Variants in SMS observed in about 807,000 individuals in gnomAD.
SMS encodes spermine synthase.
SMS carries 3 observed loss-of-function variants against 33.0 expected under a neutral mutation model. The observed-to-expected ratio is 0.09, with a 90% CI of 0.04 to 0.23. SMS has a LOEUF of 0.23. Among genes scored for constraint, SMS ranks in the 10% least tolerant of loss-of-function variants. The probability of loss-of-function intolerance (pLI) is 1.00; values close to 1 mark genes in which losing one functional copy is unlikely to be tolerated. For synonymous variants in SMS, 103 were observed against 112.2 expected (o/e 0.92, Z 0.52); for missense variants, 117 against 288.6 (o/e 0.41, Z 4.31).
At chrX:21,969,200 T>C (rs1162724426) in intron 2 of SMS, among the ~76,000 whole-genome samples, 2 of 111,899 alleles carry the variant, frequency 1.8e-5, no homozygotes, top group Non-Finnish European at 3.8e-5. Context: ...TAATTGGTGT[T>C]CTCTATCCTG....
intron 10 of SMS, among the ~76,000 whole-genome samples, chrX:21,993,484 C>G (rs972152527): frequency 2.7e-5 from 3 of 112,808 alleles, no homozygotes; most frequent in Non-Finnish European, 3.7e-5. Flanking sequence ...GTTGCCAAGT[C>G]CAGGTTCCTG....
chrX:21,981,655 C>T (rs1199998861), intron 7 of SMS, among the ~76,000 whole-genome samples: 2 of 111,794 alleles, frequency 1.8e-5, no homozygotes, highest in Admixed American at 9.5e-5. Context: ...TTGGGAAAAG[C>T]GTTAGTTGAG....
At chrX:21,986,256 G>A (rs748552619) in intron 9 of SMS, among the ~76,000 whole-genome samples, 1 of 103,240 alleles carries the variant, frequency 9.7e-6, no homozygotes, top group Admixed American at 1.1e-4. Flanking sequence ...GGCTGAGGCA[G>A]GAAATTGCTT....
At chrX:21,950,433 C>CTTTTT (rs55704293) in intron 1 of SMS, among the ~76,000 whole-genome samples, 1 of 76,810 alleles carries the variant, frequency 1.3e-5, no homozygotes, top group Non-Finnish European at 2.5e-5. Context: ...TATGACAGGA[C>CTTTTT]TTTTTTTTTT....
At chrX:21,945,668 G>A (rs1401814145) in intron 1 of SMS, among the ~76,000 whole-genome samples, 1 of 63,007 alleles carries the variant, frequency 1.6e-5, no homozygotes. Flanking sequence ...TCGCTCTGTC[G>A]CCCAGAGCTG....
chrX:21,985,112 T>C lies in SMS; in HGVS notation c.866-32T>C, dbSNP rs2071136. Reference sequence around the variant, plus strand: ...GATGTTGTGGATACATACAAACCCATATTTATGAAACTTGTTCTTTTAAAC... The same window carrying C: ...GATGTTGTGGATACATACAAACCCACATTTATGAAACTTGTTCTTTTAAAC... On this transcript the variant is annotated intron_variant, in intron 8 of 10. Transcript: ENST00000404933. 122,602 of 948,622 alleles carry C rather than the reference T, an allele frequency of 0.13. 6,044 individuals carry two copies. The highest frequency in any genetic ancestry group is 0.25 in the East Asian group (8,193 of 32,198). The allele number at this position is 948,622 out of a possible 1,213,427, so 78.2% of individuals were successfully genotyped here. A position where few individuals can be genotyped will look rare whatever the true frequency, so the allele number is the denominator to read the frequency against.
At chrX:21,961,769 C>T (rs1023663475) in intron 1 of SMS, among the ~76,000 whole-genome samples, 1 of 111,877 alleles carries the variant, frequency 8.9e-6, no homozygotes, top group Non-Finnish European at 1.9e-5. Flanking sequence ...ACACGTTTTG[C>T]CTTGGGAGAG....
intron 1 of SMS, among the ~76,000 whole-genome samples, chrX:21,963,225 TC>T (rs776817045): frequency 4.0e-4 from 45 of 111,397 alleles, no homozygotes; most frequent in Non-Finnish European, 3.6e-4. Flanking sequence ...TGGAGTGTCT[TC>T]CCCAAGGGCT....
At chrX:21,944,544 A>AAAAGAAAAG (rs1555992699) in intron 1 of SMS, among the ~76,000 whole-genome samples, 5 of 99,038 alleles carry the variant, frequency 5.0e-5, no homozygotes, top group African/African-American at 7.6e-5. Context: ...AAAAAAAAAA[A>AAAAGAAAAG]AGAAAAAAAA....
chrX:21,942,416 GAAA>G (rs143551153), intron 1 of SMS, among the ~76,000 whole-genome samples: 1,474 of 106,085 alleles, frequency 0.014, 15 homozygotes, highest in Non-Finnish European at 0.021. Flanking sequence ...CCATTAAAAA[GAAA>G]AAAAAAAGTG....
chrX:21,993,288 C>T (rs1056472945), intron 10 of SMS, among the ~76,000 whole-genome samples: 2 of 112,958 alleles, frequency 1.8e-5, no homozygotes, highest in Non-Finnish European at 3.7e-5. Flanking sequence ...CAACAGAAAT[C>T]GAGAACTAGA....
intron 1 of SMS, among the ~76,000 whole-genome samples, chrX:21,953,688 C>T (rs1922770086): frequency 8.9e-6 from 1 of 112,340 alleles, no homozygotes; most frequent in Admixed American, 9.4e-5. Flanking sequence ...TAAGTTGCCA[C>T]ATTTATGTGT....
At chrX:21,967,100 A>G in intron 1 of SMS, 96 bp from the exon 2 acceptor site, 1 of 424,002 alleles carries the variant, frequency 2.4e-6, no homozygotes, top group South Asian at 5.5e-5. Flanking sequence ...TTACTTATTT[A>G]TTTATTTTTA....
intron 1 of SMS, among the ~76,000 whole-genome samples, chrX:21,942,099 A>C (rs1029592218): frequency 5.5e-5 from 6 of 108,988 alleles, no homozygotes; most frequent in African/African-American, 2.0e-4. Flanking sequence ...TGACTGCCGC[A>C]GACTTGAATC....
At chrX:21,953,121 T>C (rs771759394) in intron 1 of SMS, among the ~76,000 whole-genome samples, 1 of 110,603 alleles carries the variant, frequency 9.0e-6, no homozygotes, top group South Asian at 3.8e-4. Context: ...GGACTCTTCA[T>C]GTTATTTCAT....
At chrX:21,961,762 C>T (rs893797878) in intron 1 of SMS, among the ~76,000 whole-genome samples, 1 of 111,977 alleles carries the variant, frequency 8.9e-6, no homozygotes, top group African/African-American at 3.3e-5. Flanking sequence ...ACAAAGGACA[C>T]GTTTTGCCTT....
At chrX:21,945,786 G>A (rs763775151) in intron 1 of SMS, among the ~76,000 whole-genome samples, 3 of 109,453 alleles carry the variant, frequency 2.7e-5, no homozygotes, top group Non-Finnish European at 5.7e-5. Flanking sequence ...CACCACACCC[G>A]GCTAATTTTT....
At chrX:21,988,680 A>C (rs1402085647) in intron 9 of SMS, among the ~76,000 whole-genome samples, 3 of 68,985 alleles carry the variant, frequency 4.3e-5, no homozygotes, top group Non-Finnish European at 8.3e-5. Flanking sequence ...AAAAAAAAAA[A>C]AAAAAAAAAA....
intron 1 of SMS, among the ~76,000 whole-genome samples, chrX:21,951,637 C>G (rs1300314172): frequency 9.1e-6 from 1 of 110,419 alleles, no homozygotes; most frequent in African/African-American, 3.3e-5. Flanking sequence ...AGGAAGGGGT[C>G]CAGTTTCTGT....
Sources: gnomAD v4.1 joint callset for allele counts (sites outside exome capture counted in the v4.1 genomes callset) on GRCh38, gnomAD v4.1.1 for gene constraint, MANE v1.5 for transcripts, NCBI Gene and HGNC (gene_info 2026-07-23, HGNC 2026-07-21) for gene names.